Variants in DNAAF1 observed in about 807,000 individuals in gnomAD.
The protein encoded by DNAAF1 is dynein assembly factor 1, axonemal.
A neutral mutation model predicts 71.1 loss-of-function variants in DNAAF1; 65 were observed. The observed-to-expected ratio is 0.91, with a 90% CI of 0.75 to 1.12. The LOEUF (loss-of-function observed/expected upper bound fraction) is 1.12, where lower values mean the gene tolerates loss of function less well. DNAAF1 is among the 50% of genes most tolerant of loss of function. DNAAF1 has a pLI of 0.00. For missense variants in DNAAF1, 1,178 were observed against 899.8 expected (o/e 1.31, Z -3.96); for synonymous variants, 414 against 354.6 (o/e 1.17, Z -1.88).
In DNAAF1 at chr16:84,149,033, G is replaced by A. The variant is rs201910542; in HGVS notation, c.151G>A (p.Val51Met). 4.3e-6 allele frequency: 7 copies of A among 1,613,982 alleles called. No individual in the cohort carries two copies. The highest frequency in any genetic ancestry group is 2.7e-5 in the African/African-American group (2 of 74,910). The change falls in exon 2 of 12, where the codon GTG (valine) becomes ATG (methionine). Residue 51 changes from valine (V) to methionine (M), a missense_variant. Coordinates refer to ENST00000378553, the MANE Select transcript of DNAAF1 (RefSeq NM_178452.6). Reference sequence around the variant, plus strand: ...AATTAATGATCCTAAGGAAATATGTGTGGGTTCTTCTGACACATCCTACCA... The same window carrying A: ...AATTAATGATCCTAAGGAAATATGTATGGGTTCTTCTGACACATCCTACCA... ...EEINDPKEIC[V>M]GSSDTSYHSQ...
intron 6 of DNAAF1, among the ~76,000 whole-genome samples, chr16:84,161,090 G>A (rs1033203542): frequency 1.3e-5 from 2 of 152,132 alleles, no homozygotes; most frequent in Admixed American, 6.5e-5. Context: ...CTGCAGCCAC[G>A]AGCTACGTTA....
At chr16:84,155,122 A>T (rs1184014268) in intron 4 of DNAAF1, among the ~76,000 whole-genome samples, 2 of 152,016 alleles carry the variant, frequency 1.3e-5, no homozygotes, top group Non-Finnish European at 2.9e-5. Context: ...GTTAGCCAGG[A>T]TGGTCTCGAT....
rs192668831 is a variant in DNAAF1, at chr16:84,167,382, G to T, written c.1030+1433G>T. 2.0e-5 allele frequency among the ~76,000 whole-genome samples: 3 copies of T among 152,108 alleles called. No homozygotes were observed. The South Asian group carries it at 6.2e-4, about 32-fold the overall frequency. On this transcript the variant is annotated intron_variant, in intron 7 of 11. Transcript: ENST00000378553. ...GGGGGTTTTCCAGAAGCTCCAGCAC[G>T]TGGGCATGATGGATGATTAGCTCCA... is the stretch of plus-strand genomic sequence containing the variant.
At chr16:84,150,155 A>T in intron 2 of DNAAF1, 96 bp from the exon 3 acceptor site, 1 of 882,528 alleles carries the variant, frequency 1.1e-6, no homozygotes, top group Non-Finnish European at 1.9e-6. Context: ...ATGTTATAGA[A>T]TTTTGGGCAG....
In DNAAF1 at chr16:84,170,071, A is replaced by G. The variant is rs764480347; in HGVS notation, c.1243A>G (p.Thr415Ala). The G allele has an allele frequency of 5.6e-6, 9 of 1,613,280 alleles. No individual in the cohort carries two copies. Among genetic ancestry groups the G allele is most frequent in the Non-Finnish European group, 7.6e-6 (9 of 1,179,922 alleles). The change falls in exon 8 of 12, where the codon ACC becomes GCC. Residue 415 changes from threonine (T) to alanine (A), a missense_variant. By Grantham distance (58) the Thr-to-Ala change is moderately conservative. Coordinates refer to ENST00000378553, the MANE Select transcript of DNAAF1 (RefSeq NM_178452.6). ...GGATGGAGGTCCAGAGCCAGAGGGG[A>G]CCCTCCCAGCTGAGACCCTGCTACT... ...REDGGPEPEGTLPAETLLLSS... is the reference protein window; with the variant it reads ...REDGGPEPEGALPAETLLLSS...
In DNAAF1 at chr16:84,170,342, G is replaced by C. The variant is rs2088264367; in HGVS notation, c.1514G>C (p.Gly505Ala). The change falls in exon 8 of 12, where the codon GGA becomes GCA. Residue 505 changes from glycine to alanine, a missense_variant. Physicochemically the swap from Gly to Ala is moderately conservative, Grantham distance 60 (BLOSUM62 0). Coordinates refer to ENST00000378553, the MANE Select transcript of DNAAF1 (RefSeq NM_178452.6). ...PAEAPPPPPL[G>A]AAREEPTPQA... ...GAGGCCCCACCACCACCGCCCCTGGGAGCTGCCAGGGAAGGTAATGTGAGC... is the reference window on the plus strand; with the variant it reads ...GAGGCCCCACCACCACCGCCCCTGGCAGCTGCCAGGGAAGGTAATGTGAGC... 6.2e-7 allele frequency: 1 copy of C among 1,613,752 alleles called. No individual in the cohort carries two copies. Among genetic ancestry groups the C allele is most frequent in the African/African-American group, 1.3e-5 (1 of 74,952 alleles).
chr16:84,176,919 C>G (rs534011542), intron 11 of DNAAF1: 1 of 170,008 alleles, frequency 5.9e-6, no homozygotes, highest in Non-Finnish European at 1.3e-5. Flanking sequence ...CAGGCTGGTA[C>G]ATGTGCCTGG....
intron 6 of DNAAF1, among the ~76,000 whole-genome samples, chr16:84,164,608 C>A (rs765655735): frequency 1.3e-5 from 2 of 152,194 alleles, no homozygotes; most frequent in Non-Finnish European, 2.9e-5. Context: ...TGTTTCTTTT[C>A]ATTGCTGAGT....
rs202113269 is a variant in DNAAF1, at chr16:84,165,963, C to G, written c.1030+14C>G. 2.5e-6 allele frequency: 4 copies of G among 1,610,782 alleles called. No homozygotes were observed. Among genetic ancestry groups the G allele is most frequent in the South Asian group, 1.1e-5 (1 of 90,990 alleles). The stretch of plus-strand genomic sequence containing the variant: ...GTCAAGAGAGAGGTATGCGCTCGGC[C>G]GAAGACAACAGCCCCAGAGTTCCTT... On this transcript the variant is annotated intron_variant, in intron 7 of 11. Coordinates refer to ENST00000378553, the MANE Select transcript of DNAAF1 (RefSeq NM_178452.6).
intron 7 of DNAAF1, among the ~76,000 whole-genome samples, chr16:84,169,255 A>AT (rs35230163): frequency 0.38 from 56,149 of 145,986 alleles, 11,251 homozygotes; most frequent in Non-Finnish European, 0.46. Flanking sequence ...ATTTTTTTGT[A>AT]TTTTTTTTTC....
In DNAAF1 at chr16:84,177,792, C is replaced by G. The variant is rs769752902; in HGVS notation, c.2129C>G (p.Ala710Gly). The G allele has an allele frequency of 1.2e-6, 2 of 1,614,104 alleles. No homozygotes were observed. The highest frequency in any genetic ancestry group is 2.7e-5 in the African/African-American group (2 of 75,036). ...TCVGVAQPSQ[A>G]LPTWDLTAFP... The stretch of plus-strand genomic sequence containing the variant: ...GTCGGAGTTGCCCAGCCCAGCCAAG[C>G]TCTGCCCACGTGGGACCTCACTGCA... The change falls in exon 12 of 12, where the codon GCT (alanine) becomes GGT (glycine). Residue 710 changes from alanine to glycine, a missense_variant. Coordinates refer to ENST00000378553, the MANE Select transcript of DNAAF1 (RefSeq NM_178452.6).
At position 84,155,580 on chromosome 16, in the gene DNAAF1, C is replaced by T. The variant is rs772482854; in HGVS notation, c.575-3C>T. ...TTTGACTTCTGCTGACCTTACCTTCCAGCCTGCCTCCCAGTCCTGAACACA... is the reference window on the plus strand; with the variant it reads ...TTTGACTTCTGCTGACCTTACCTTCTAGCCTGCCTCCCAGTCCTGAACACA... On this transcript the variant is annotated splice_region_variant and splice_polypyrimidine_tract_variant and intron_variant, in intron 4 of 11. Coordinates refer to ENST00000378553, the MANE Select transcript of DNAAF1 (RefSeq NM_178452.6). 6.2e-7 allele frequency: 1 copy of T among 1,614,066 alleles called. No individual in the cohort carries two copies. Among genetic ancestry groups the T allele is most frequent in the East Asian group, 2.2e-5 (1 of 44,866 alleles).
At chr16:84,160,863 G>A (rs975801124) in intron 6 of DNAAF1, among the ~76,000 whole-genome samples, 1 of 151,976 alleles carries the variant, frequency 6.6e-6, no homozygotes, top group East Asian at 1.9e-4. Context: ...CATAAACCCG[G>A]GAGGCAGAGC....
chr16:84,174,620 G>C (rs775341712), intron 9 of DNAAF1, 49 bp from the exon 10 acceptor site: 1 of 1,613,830 alleles, frequency 6.2e-7, no homozygotes, highest in African/African-American at 1.3e-5. Context: ...TCAGAACGTT[G>C]ACAGTGCGTG....
chr16:84,176,058 A>G lies in DNAAF1; in HGVS notation c.1824A>G (p.Ala608=), dbSNP rs1222031015. ...LPTDTLSNIF[A]VSKDTSKAAR... Reference sequence around the variant, plus strand: ...CAGACACTCTGTCAAATATATTTGCAGTCTCTAAAGACACCTCAAAGGCGG... The same window carrying G: ...CAGACACTCTGTCAAATATATTTGCGGTCTCTAAAGACACCTCAAAGGCGG... Residue 608 remains alanine (A), a synonymous_variant, in exon 11 of 12, where the codon GCA becomes GCG. Coordinates refer to ENST00000378553, the MANE Select transcript of DNAAF1 (RefSeq NM_178452.6). 2 of 1,614,178 alleles carry G rather than the reference A, an allele frequency of 1.2e-6. No homozygotes were observed. The highest frequency in any genetic ancestry group is 1.3e-5 in the African/African-American group (1 of 75,060).
chr16:84,167,516 T>C (rs2088083840), intron 7 of DNAAF1, among the ~76,000 whole-genome samples: 1 of 152,084 alleles, frequency 6.6e-6, no homozygotes, highest in African/African-American at 2.4e-5. Flanking sequence ...AGCCGCCCCA[T>C]TCGAACAAAA....
chr16:84,148,058 A>G (rs540008860), intron 1 of DNAAF1, among the ~76,000 whole-genome samples: 1 of 151,976 alleles, frequency 6.6e-6, no homozygotes, highest in African/African-American at 2.4e-5. Flanking sequence ...ATAGACCAAG[A>G]CGGTCTCCAA....
At position 84,148,746 on chromosome 16, in the gene DNAAF1, G is replaced by C. The variant is rs547986517; in HGVS notation, c.125-261G>C. Among the ~76,000 whole-genome samples, 67 of 151,032 alleles carry C rather than the reference G, an allele frequency of 4.4e-4. 1 individual carries two copies. The highest frequency in any genetic ancestry group is 6.8e-4 in the African/African-American group (28 of 41,030). On this transcript the variant is annotated intron_variant, in intron 1 of 11. Coordinates refer to ENST00000378553, the MANE Select transcript of DNAAF1 (RefSeq NM_178452.6). ...CACAAGTAGCTGGGAATACAGGCAC[G>C]CACCACTACATCTGGCTAATTTTTG...
chr16:84,162,759 T>C (rs11646920), intron 6 of DNAAF1, among the ~76,000 whole-genome samples: 76,190 of 151,606 alleles, frequency 0.5, 19,187 homozygotes, highest in South Asian at 0.58. Flanking sequence ...GCGGAGGTTG[T>C]AGTGAGCCAA....
Sources: gnomAD v4.1 joint callset for allele counts (sites outside exome capture counted in the v4.1 genomes callset) on GRCh38, gnomAD v4.1.1 for gene constraint, MANE v1.5 for transcripts, NCBI Gene and HGNC (gene_info 2026-07-23, HGNC 2026-07-21) for gene names.